Variants in MNAT1 observed in about 807,000 individuals in gnomAD.
MNAT1 encodes CDK-activating kinase assembly factor MAT1.
A neutral mutation model predicts 42.0 loss-of-function variants in MNAT1; 43 were observed. The observed-to-expected ratio is 1.02, with a 90% CI of 0.80 to 1.32. The LOEUF (loss-of-function observed/expected upper bound fraction) is 1.32. Ranked by LOEUF, MNAT1 falls within the 40% of genes most tolerant of loss-of-function variation. The pLI, the probability that MNAT1 is intolerant of heterozygous loss-of-function variation, is 0.00. For synonymous variants in MNAT1, 118 were observed against 120.0 expected, an observed-to-expected ratio of 0.98 and a Z score of 0.11; for missense variants, 306 against 350.4, an observed-to-expected ratio of 0.87 and a Z score of 1.01.
chr14:60,818,939 T>C, intron 6 of MNAT1, 92 bp downstream of exon 6: 2 of 1,422,840 alleles, frequency 1.4e-6, no homozygotes, highest in South Asian at 1.4e-5. Flanking sequence ...ACCGAAATGT[T>C]CAGATGTTTA....
rs537442712 is a variant in MNAT1, at chr14:60,822,970, C to T, written c.687+4123C>T. Among the ~76,000 whole-genome samples the T allele has an allele frequency of 4.6e-5, 7 of 152,124 alleles. No individual in the cohort carries two copies. The South Asian group carries it at 6.2e-4, about 14-fold the overall frequency. ...TGGGGTTTCACCATGTTGCCCAGGC[C>T]GGTCTGGAACTCCTGAGCTCAAGCC... On this transcript the variant is annotated intron_variant, in intron 6 of 7. Coordinates refer to ENST00000261245, the MANE Select transcript of MNAT1 (RefSeq NM_002431.4).
chr14:60,900,524 G>T (rs1351628147), intron 7 of MNAT1, among the ~76,000 whole-genome samples: 1 of 152,146 alleles, frequency 6.6e-6, no homozygotes, highest in African/African-American at 2.4e-5. Flanking sequence ...GCTAACAAAG[G>T]TTGGTTCATG....
At chr14:60,780,479 G>A in intron 1 of MNAT1, 1 of 1,520,870 alleles carries the variant, frequency 6.6e-7, no homozygotes. Context: ...TGAAAAATGG[G>A]AAGAGTCGGG....
At chr14:60,902,127 C>T (rs1854076914) in intron 7 of MNAT1, among the ~76,000 whole-genome samples, 1 of 152,144 alleles carries the variant, frequency 6.6e-6, no homozygotes, top group African/African-American at 2.4e-5. Flanking sequence ...CCATTGTGAT[C>T]AGTAAAGCAG....
intron 7 of MNAT1, among the ~76,000 whole-genome samples, chr14:60,893,642 A>G (rs376043773): frequency 2.2e-4 from 34 of 152,124 alleles, no homozygotes; most frequent in Non-Finnish European, 3.2e-4. Flanking sequence ...GTTCCTATCA[A>G]TGTACCACAG....
chr14:60,835,256 GA>G (rs1337729302), intron 6 of MNAT1, among the ~76,000 whole-genome samples: 4 of 151,998 alleles, frequency 2.6e-5, no homozygotes, highest in South Asian at 2.1e-4. Context: ...TTACATTTAC[GA>G]TTAACATTGT....
At chr14:60,949,695 G>A (rs2036346179) in intron 7 of MNAT1, among the ~76,000 whole-genome samples, 1 of 151,988 alleles carries the variant, frequency 6.6e-6, no homozygotes, top group African/African-American at 2.4e-5. Flanking sequence ...CAACTAACTG[G>A]CTAATCTATT....
intron 7 of MNAT1, among the ~76,000 whole-genome samples, chr14:60,913,545 A>T (rs1018956324): frequency 1.3e-5 from 2 of 152,154 alleles, no homozygotes; most frequent in Non-Finnish European, 2.9e-5. Context: ...TCCTTCTAAC[A>T]GTCAGGACCC....
intron 1 of MNAT1, among the ~76,000 whole-genome samples, chr14:60,768,764 A>G (rs2030936494): frequency 6.6e-6 from 1 of 152,246 alleles, no homozygotes; most frequent in South Asian, 2.1e-4. Context: ...AAGGAAACAA[A>G]CTAGTAAATG....
chr14:60,844,169 AGGTAG>A (rs1234934751), intron 6 of MNAT1, among the ~76,000 whole-genome samples: 11 of 152,098 alleles, frequency 7.2e-5, no homozygotes, highest in Non-Finnish European at 1.2e-4. Flanking sequence ...TCTTGAATTA[AGGTAG>A]TATAAGTGTT....
At chr14:60,812,212 G>A in intron 5 of MNAT1, 85 bp downstream of exon 5, 1 of 1,288,876 alleles carries the variant, frequency 7.8e-7, no homozygotes, top group South Asian at 2.0e-5. Context: ...CATTTAAAGG[G>A]CTTTTCCACA....
intron 7 of MNAT1, among the ~76,000 whole-genome samples, chr14:60,945,096 C>T (rs745772300): frequency 2.6e-5 from 4 of 152,192 alleles, no homozygotes; most frequent in Non-Finnish European, 4.4e-5. Flanking sequence ...GAACCACTTA[C>T]CATCATCATG....
chr14:60,968,063 G>GT (rs1245839076), intron 7 of MNAT1, among the ~76,000 whole-genome samples, 166 bp from the exon 8 acceptor site: 2 of 152,166 alleles, frequency 1.3e-5, no homozygotes, highest in Non-Finnish European at 2.9e-5. Flanking sequence ...TGTACAGTTG[G>GT]TATGTTTCCT....
At chr14:60,946,975 A>C (rs2036289554) in intron 7 of MNAT1, among the ~76,000 whole-genome samples, 1 of 152,156 alleles carries the variant, frequency 6.6e-6, no homozygotes, top group African/African-American at 2.4e-5. Flanking sequence ...TGTGGCAGAG[A>C]GACAGCAAGT....
chr14:60,872,901 G>A (rs1258707531), intron 6 of MNAT1, among the ~76,000 whole-genome samples: 9 of 149,508 alleles, frequency 6.0e-5, no homozygotes, highest in Non-Finnish European at 8.9e-5. Context: ...CCCCTGAACC[G>A]TTCTAAAGTA....
chr14:60,961,868 G>A (rs2036600524), intron 7 of MNAT1, among the ~76,000 whole-genome samples: 1 of 152,108 alleles, frequency 6.6e-6, no homozygotes, highest in South Asian at 2.1e-4. Flanking sequence ...GCACATAGCT[G>A]TTACTAACAT....
At chr14:60,963,049 T>G (rs2139623344) in intron 7 of MNAT1, among the ~76,000 whole-genome samples, 1 of 152,308 alleles carries the variant, frequency 6.6e-6, no homozygotes, top group East Asian at 1.9e-4. Flanking sequence ...TGGCGTGATC[T>G]TGGCTCGCTG....
Position 60,968,289 on chromosome 14 carries a change from T to A in MNAT1, c.870T>A (p.Ser290=). Residue 290 remains serine, a synonymous_variant, in exon 8 of 8, where the codon TCT becomes TCA. Transcript: ENST00000261245. Reference sequence around the variant, plus strand: ...ACCTTGCTGGAGGCTATACTTCTTCTCTTGCTTGTCACAGAGCACTACAGG... The same window carrying A: ...ACCTTGCTGGAGGCTATACTTCTTCACTTGCTTGTCACAGAGCACTACAGG... The part of the protein sequence containing the change: ...PQDLAGGYTS[S]LACHRALQDA... The A allele has an allele frequency of 6.2e-7, 1 of 1,614,020 alleles. No homozygotes were observed. Among genetic ancestry groups the A allele is most frequent in the Non-Finnish European group, 8.5e-7 (1 of 1,179,922 alleles).
intron 7 of MNAT1, among the ~76,000 whole-genome samples, chr14:60,929,014 G>A (rs937524927): frequency 2.0e-5 from 3 of 150,540 alleles, no homozygotes; most frequent in African/African-American, 4.9e-5. Flanking sequence ...CAGTGTGGTC[G>A]CATGTGCCTG....
Sources: allele counts gnomAD v4.1 joint callset (sites outside exome capture counted in the v4.1 genomes callset), GRCh38; gene constraint gnomAD v4.1.1; transcripts MANE v1.5; gene names NCBI Gene and HGNC (gene_info 2026-07-23, HGNC 2026-07-21).